TMEM117: variants seen among roughly 807,000 people sequenced by gnomAD.
TMEM117 encodes transmembrane protein 117.
TMEM117 carries 27 observed loss-of-function variants against 52.4 expected under a neutral mutation model. The ratio of observed to expected loss-of-function variants is 0.51; its 90% CI spans 0.38 to 0.71. The LOEUF is 0.71. Among genes scored for constraint, TMEM117 ranks in the 30% least tolerant of loss-of-function variants. The pLI is 0.00. For synonymous variants in TMEM117, 215 were observed against 206.3 expected (o/e 1.04, Z -0.36); for missense variants, 556 against 630.5 (o/e 0.88, Z 1.26).
chr12:44,117,384 GC>G, intron 3 of TMEM117, among the ~76,000 whole-genome samples: 1 of 151,892 alleles, frequency 6.6e-6, no homozygotes, highest in Non-Finnish European at 1.5e-5. Context: ...TCAAGGTGTT[GC>G]AGTTGTCCTC....
At chr12:44,397,492 A>G in the TMEM117 span, among the ~76,000 whole-genome samples, 1 of 152,184 alleles carries the variant, frequency 6.6e-6, no homozygotes, top group Non-Finnish European at 1.5e-5. Context: ...TGCATTTTAC[A>G]TGTTGCTCTC....
intron 3 of TMEM117, among the ~76,000 whole-genome samples, chr12:44,061,804 T>A (rs1418903014): frequency 1.3e-5 from 2 of 152,126 alleles, no homozygotes; most frequent in Non-Finnish European, 2.9e-5. Flanking sequence ...GTAATAAATT[T>A]ATGGGGTGGG....
Position 44,211,387 on chromosome 12 carries a change from G to C in TMEM117, c.608G>C (p.Trp203Ser), listed in dbSNP as rs1242661983. The C allele has an allele frequency of 1.3e-6, 2 of 1,595,390 alleles. No individual in the cohort carries two copies. Among genetic ancestry groups the C allele is most frequent in the Non-Finnish European group, 1.7e-6 (2 of 1,169,294 alleles). Residue 203 changes from tryptophan (W) to serine (S), a missense_variant and splice_region_variant, in exon 5 of 8, where the codon TGG becomes TCG. Coordinates refer to ENST00000266534, the MANE Select transcript of TMEM117 (RefSeq NM_032256.3). ...KKGNVRITLF[W>S]TVLFTLTSVV... ...GGAAATGTTAGGATCACTTTATTCT[G>C]GTAGGAAATTGTTTCACTTATTTAT...
intron 6 of TMEM117, among the ~76,000 whole-genome samples, chr12:44,302,427 C>T (rs7979252): frequency 0.019 from 2,858 of 152,278 alleles, 91 homozygotes; most frequent in African/African-American, 0.065. Flanking sequence ...TGTCAGGAGT[C>T]TCTTGTTCCT....
intron 6 of TMEM117, among the ~76,000 whole-genome samples, chr12:44,326,854 TC>T (rs1273441061): frequency 2.0e-5 from 3 of 152,214 alleles, no homozygotes; most frequent in Non-Finnish European, 4.4e-5. Context: ...CACACTGTCC[TC>T]CTTTTCAAAC....
chr12:44,327,602 A>G (rs1184283746), intron 6 of TMEM117, among the ~76,000 whole-genome samples: 2 of 152,210 alleles, frequency 1.3e-5, no homozygotes, highest in East Asian at 3.8e-4. Context: ...GGGATAATAA[A>G]CATTTTATAT....
At chr12:43,878,515 G>T (rs573399497) in intron 2 of TMEM117, among the ~76,000 whole-genome samples, 1 of 152,212 alleles carries the variant, frequency 6.6e-6, no homozygotes, top group African/African-American at 2.4e-5. Flanking sequence ...CTTTTCTATT[G>T]ATAAGAGGAA....
the TMEM117 span, among the ~76,000 whole-genome samples, chr12:43,820,634 G>A: frequency 6.7e-6 from 1 of 149,782 alleles, no homozygotes; most frequent in Non-Finnish European, 1.5e-5. Context: ...AAAATATGTA[G>A]CAAGCATTGT....
intron 6 of TMEM117, among the ~76,000 whole-genome samples, chr12:44,366,775 C>A (rs563321193): frequency 5.5e-4 from 83 of 152,224 alleles, no homozygotes; most frequent in African/African-American, 1.9e-3. Flanking sequence ...ACACTGGGTA[C>A]AAAGCAGTGA....
intron 6 of TMEM117, among the ~76,000 whole-genome samples, chr12:44,347,446 T>G (rs1482101512): frequency 6.6e-6 from 1 of 152,104 alleles, no homozygotes; most frequent in Non-Finnish European, 1.5e-5. Flanking sequence ...GATTCCTATC[T>G]TTCAACATAA....
chr12:43,874,908 G>A (rs1346085011), intron 2 of TMEM117, among the ~76,000 whole-genome samples: 2 of 152,206 alleles, frequency 1.3e-5, no homozygotes, highest in African/African-American at 2.4e-5. Flanking sequence ...CAGGGATGAA[G>A]TGAGGCCAGG....
intron 5 of TMEM117, among the ~76,000 whole-genome samples, chr12:44,212,089 A>G (rs1371574480): frequency 1.3e-5 from 2 of 152,212 alleles, no homozygotes; most frequent in African/African-American, 2.4e-5. Context: ...AATGTTCTAC[A>G]GTATTTCCCC....
chr12:44,280,137 T>A (rs977651984), intron 5 of TMEM117, among the ~76,000 whole-genome samples: 11 of 152,208 alleles, frequency 7.2e-5, no homozygotes, highest in Non-Finnish European at 1.5e-4. Context: ...GCTGTGACTT[T>A]AACTTTCATT....
chr12:44,398,362 TC>T, the TMEM117 span, among the ~76,000 whole-genome samples: 748 of 152,038 alleles, frequency 4.9e-3, 8 homozygotes, highest in African/African-American at 0.016. Flanking sequence ...CCCAGAGAAA[TC>T]TGTCCAGTTT....
At chr12:43,887,988 G>T (rs933133378) in intron 2 of TMEM117, among the ~76,000 whole-genome samples, 11 of 152,144 alleles carry the variant, frequency 7.2e-5, no homozygotes, top group African/African-American at 2.7e-4. Context: ...TTTTTGTATA[G>T]CTGGTGTGCC....
intron 3 of TMEM117, among the ~76,000 whole-genome samples, chr12:44,070,913 C>G (rs1361301947): frequency 6.6e-6 from 1 of 152,086 alleles, no homozygotes; most frequent in Non-Finnish European, 1.5e-5. Context: ...TGAAGAAAGC[C>G]AAGGAGTAAG....
chr12:44,194,849 C>G (rs1358063512), intron 4 of TMEM117, among the ~76,000 whole-genome samples: 1 of 151,966 alleles, frequency 6.6e-6, no homozygotes. Context: ...CTCAATTAAT[C>G]TGAAAGAAAG....
chr12:44,297,641 C>A (rs577711521), intron 5 of TMEM117, among the ~76,000 whole-genome samples: 9 of 152,080 alleles, frequency 5.9e-5, no homozygotes, highest in Non-Finnish European at 1.0e-4. Context: ...TAAGAAAATA[C>A]CCTTACTACC....
intron 3 of TMEM117, among the ~76,000 whole-genome samples, chr12:43,950,377 A>G (rs1156635919): frequency 1.3e-5 from 2 of 152,024 alleles, no homozygotes; most frequent in Non-Finnish European, 2.9e-5. Flanking sequence ...ACAGCTGGTC[A>G]GGAACAAAAT....
Sources: allele counts gnomAD v4.1 joint callset (sites outside exome capture counted in the v4.1 genomes callset), GRCh38; gene constraint gnomAD v4.1.1; transcripts MANE v1.5; gene names NCBI Gene and HGNC (gene_info 2026-07-23, HGNC 2026-07-21).